NOS1AP: variants seen among roughly 807,000 people sequenced by gnomAD.
The protein encoded by NOS1AP is carboxyl-terminal PDZ ligand of neuronal nitric oxide synthase protein.
In NOS1AP, 21 loss-of-function variants were observed where a neutral mutation model predicts 56.2. That is an observed-to-expected ratio of 0.37 (90% CI 0.26 to 0.54). The LOEUF (loss-of-function observed/expected upper bound fraction) is 0.54, where lower values mean the gene tolerates loss of function less well. Ranked by LOEUF, NOS1AP falls within the 20% of genes least tolerant of loss-of-function variation. NOS1AP has a pLI of 0.84. For missense variants in NOS1AP, 522 were observed against 657.8 expected, an observed-to-expected ratio of 0.79 and a Z score of 2.26; for synonymous variants, 270 against 274.6, an observed-to-expected ratio of 0.98 and a Z score of 0.17.
rs144184000 is a variant in NOS1AP, at chr1:162,260,462, T to C, written c.178-26882T>C. ...AGCATTAATACAAGTAGGAGCTTTG[T>C]AACGCATGTAATATACAGACATTAC... On this transcript the variant is annotated intron_variant, in intron 2 of 9. Coordinates refer to ENST00000361897, the MANE Select transcript of NOS1AP (RefSeq NM_014697.3). Among the ~76,000 whole-genome samples the C allele has an allele frequency of 5.9e-5, 9 of 152,326 alleles. No homozygotes were observed. In the East Asian group the frequency reaches 1.7e-3, roughly 29 times the overall value.
At chr1:162,353,916 G>T (rs1657605784) in intron 6 of NOS1AP, among the ~76,000 whole-genome samples, 1 of 152,178 alleles carries the variant, frequency 6.6e-6, no homozygotes, top group Non-Finnish European at 1.5e-5. Flanking sequence ...TGACCAAGGG[G>T]CAGAAGAGCT....
At chr1:162,249,740 A>G (rs1653790087) in intron 2 of NOS1AP, among the ~76,000 whole-genome samples, 1 of 152,228 alleles carries the variant, frequency 6.6e-6, no homozygotes, top group African/African-American at 2.4e-5. Context: ...TGCTCTAATG[A>G]AGTTTACTTA....
Position 162,261,539 on chromosome 1 carries a change from A to AGAGAGAGAAGAGAGAAGAGAG in NOS1AP, c.178-25798_178-25797insAAGAGAGAAGAGAGGAGAGAG, listed in dbSNP as rs1571170434. Among the ~76,000 whole-genome samples, 5 of 16,912 alleles carry AGAGAGAGAAGAGAGAAGAGAG rather than the reference A, an allele frequency of 3.0e-4. 2 individuals are homozygous for AGAGAGAGAAGAGAGAAGAGAG. Among genetic ancestry groups the AGAGAGAGAAGAGAGAAGAGAG allele is most frequent in the African/African-American group, 6.7e-4 (5 of 7,420 alleles). The allele number at this position is 16,912 out of a possible 152,430, so 11.1% of individuals were successfully genotyped here. ...GAGAGAGAGAGAGAGAGAGAGAGAG[A>AGAGAGAGAAGAGAGAAGAGAG]GAGAGAGCAATGAAATGACTGGAAC... On this transcript the variant is annotated intron_variant, in intron 2 of 9. Transcript: ENST00000361897.
At chr1:162,191,790 A>C (rs1384189695) in intron 2 of NOS1AP, among the ~76,000 whole-genome samples, 1 of 152,118 alleles carries the variant, frequency 6.6e-6, no homozygotes, top group East Asian at 1.9e-4. Context: ...TGGCCCATTA[A>C]TTTTAATTAT....
chr1:162,359,781 A>G (rs351464), intron 8 of NOS1AP, among the ~76,000 whole-genome samples: 145,741 of 152,128 alleles, frequency 0.96, 70,093 homozygotes, highest in Non-Finnish European at 1. Context: ...GTCAGACTCT[A>G]TTGCCACCAA....
At chr1:162,194,880 G>T (rs1328469266) in intron 2 of NOS1AP, among the ~76,000 whole-genome samples, 1 of 152,182 alleles carries the variant, frequency 6.6e-6, no homozygotes. Flanking sequence ...AAGTGACCTT[G>T]CAGGAGCTAG....
intron 8 of NOS1AP, chr1:162,364,815 G>A (rs2101829737): frequency 1.0e-6 from 1 of 988,100 alleles, no homozygotes; most frequent in Non-Finnish European, 1.2e-6. Context: ...GATGACAGCT[G>A]CCTCACTAAT....
chr1:162,264,632 G>A (rs1342401076), intron 2 of NOS1AP, among the ~76,000 whole-genome samples: 7 of 150,878 alleles, frequency 4.6e-5, no homozygotes, highest in South Asian at 4.2e-4. Flanking sequence ...TCAGCCTCCC[G>A]AGTAGCTGGG....
intron 2 of NOS1AP, among the ~76,000 whole-genome samples, chr1:162,260,766 T>A (rs1654182218): frequency 7.0e-6 from 1 of 143,046 alleles, no homozygotes; most frequent in Non-Finnish European, 1.6e-5. Flanking sequence ...TTTTGACTAT[T>A]GTCAAGGGAG....
At chr1:162,262,255 C>T (rs772145189) in intron 2 of NOS1AP, among the ~76,000 whole-genome samples, 2 of 152,148 alleles carry the variant, frequency 1.3e-5, no homozygotes, top group African/African-American at 4.8e-5. Flanking sequence ...AGAGAAGCAT[C>T]ACTTACTATA....
At chr1:162,125,253 C>T (rs954213251) in intron 1 of NOS1AP, among the ~76,000 whole-genome samples, 2 of 151,720 alleles carry the variant, frequency 1.3e-5, no homozygotes, top group East Asian at 3.9e-4. Context: ...TTTGCCTCAG[C>T]CTCCTGAGTA....
chr1:162,089,526 C>T (rs1296098720), intron 1 of NOS1AP, among the ~76,000 whole-genome samples: 1 of 152,180 alleles, frequency 6.6e-6, no homozygotes, highest in Non-Finnish European at 1.5e-5. Flanking sequence ...AAAAAGTATT[C>T]ATGTCTTAAT....
intron 6 of NOS1AP, among the ~76,000 whole-genome samples, chr1:162,348,619 A>C (rs74125863): frequency 0.017 from 2,635 of 152,324 alleles, 72 homozygotes; most frequent in African/African-American, 0.06. Flanking sequence ...ATTCTAAAAA[A>C]GCCCATCAGG....
At chr1:162,167,021 T>C (rs1178582632) in intron 2 of NOS1AP, among the ~76,000 whole-genome samples, 15 of 152,214 alleles carry the variant, frequency 9.9e-5, no homozygotes, top group Non-Finnish European at 1.8e-4. Flanking sequence ...GGGTATTCTG[T>C]TCACCACCCA....
chr1:162,287,477 C>G lies in NOS1AP; in HGVS notation c.270+41C>G, dbSNP rs1185368406. 5 of 1,379,886 alleles carry G rather than the reference C, an allele frequency of 3.6e-6. No homozygotes were observed. In the South Asian group the frequency reaches 4.6e-5, roughly 13 times the overall value. The allele number at this position is 1,379,886 out of a possible 1,614,324, so 85.5% of individuals were successfully genotyped here. ...CCAGAATCTGAGGTGAAGAGGAAAG[C>G]AGGGGAGGTAGGCATGGGGTACCTT... On this transcript the variant is annotated intron_variant, in intron 3 of 9. Transcript: ENST00000361897.
At chr1:162,189,058 A>G (rs1044178140) in intron 2 of NOS1AP, among the ~76,000 whole-genome samples, 1 of 151,824 alleles carries the variant, frequency 6.6e-6, no homozygotes, top group Non-Finnish European at 1.5e-5. Context: ...CTTCATCTTG[A>G]AAAAATAAAT....
At chr1:162,185,203 T>C (rs1651389795) in intron 2 of NOS1AP, among the ~76,000 whole-genome samples, 1 of 152,250 alleles carries the variant, frequency 6.6e-6, no homozygotes, top group East Asian at 1.9e-4. Flanking sequence ...TACCAGTGGC[T>C]GATCCAGGAT....
intron 4 of NOS1AP, among the ~76,000 whole-genome samples, chr1:162,315,014 G>A (rs974931840): frequency 6.6e-6 from 1 of 152,214 alleles, no homozygotes; most frequent in Non-Finnish European, 1.5e-5. Context: ...TGTTAGAGGA[G>A]TCATTCAAAA....
intron 4 of NOS1AP, 44 bp from the exon 5 acceptor site, chr1:162,332,973 C>A: frequency 2.1e-6 from 3 of 1,401,002 alleles, no homozygotes; most frequent in South Asian, 1.2e-5. Flanking sequence ...GAGATTTGAA[C>A]CTAAGGCCAT....
Sources: gnomAD v4.1 joint callset for allele counts (sites outside exome capture counted in the v4.1 genomes callset) on GRCh38, gnomAD v4.1.1 for gene constraint, MANE v1.5 for transcripts, NCBI Gene and HGNC (gene_info 2026-07-23, HGNC 2026-07-21) for gene names.